SPATA6: variants seen among roughly 807,000 people sequenced by gnomAD.
The protein encoded by SPATA6 is spermatogenesis-associated protein 6.
In SPATA6, 56 loss-of-function variants were observed where a neutral mutation model predicts 65.3. The ratio of observed to expected loss-of-function variants is 0.86; its 90% confidence interval spans 0.69 to 1.07. The LOEUF (loss-of-function observed/expected upper bound fraction) is 1.07. Among genes scored for constraint, SPATA6 ranks in the 50% least tolerant of loss-of-function variants. The probability of loss-of-function intolerance (pLI) is 0.00; values close to 1 mark genes in which losing one functional copy is unlikely to be tolerated. For synonymous variants in SPATA6, 199 were observed against 213.2 expected (o/e 0.93, Z 0.58); for missense variants, 590 against 594.8 (o/e 0.99, Z 0.08).
At chr1:48,288,231 G>A in the SPATA6 span, among the ~76,000 whole-genome samples, 38 of 152,292 alleles carry the variant, frequency 2.5e-4, no homozygotes, top group African/African-American at 8.7e-4. Context: ...CCATATCTAT[G>A]TTAATCAGAG....
chr1:48,299,298 G>A (rs906661699), intron 12 of SPATA6, among the ~76,000 whole-genome samples: 5 of 151,830 alleles, frequency 3.3e-5, no homozygotes, highest in Admixed American at 6.6e-5. Flanking sequence ...CAAATCACCT[G>A]AGGTCGGGAG....
chr1:48,421,322 T>A (rs1050409157), intron 3 of SPATA6, among the ~76,000 whole-genome samples: 1 of 151,978 alleles, frequency 6.6e-6, no homozygotes. Flanking sequence ...ATATGCACAA[T>A]TATTATGTCA....
chr1:48,352,360 T>G (rs1217974357), intron 11 of SPATA6, among the ~76,000 whole-genome samples: 1 of 152,078 alleles, frequency 6.6e-6, no homozygotes, highest in Non-Finnish European at 1.5e-5. Context: ...TATAGTAGTT[T>G]GTATTTTTCC....
intron 11 of SPATA6, among the ~76,000 whole-genome samples, chr1:48,318,841 G>C (rs569583344): frequency 1.2e-4 from 18 of 152,204 alleles, no homozygotes; most frequent in African/African-American, 4.3e-4. Flanking sequence ...AAAGGTGGAA[G>C]ACTAACAATT....
At chr1:48,331,471 T>G (rs1384189918) in intron 11 of SPATA6, among the ~76,000 whole-genome samples, 1 of 149,606 alleles carries the variant, frequency 6.7e-6, no homozygotes. Flanking sequence ...TGAAAGAATC[T>G]AAGGGCTTGA....
intron 11 of SPATA6, among the ~76,000 whole-genome samples, chr1:48,309,271 CT>C (rs1410882672): frequency 6.6e-6 from 1 of 152,002 alleles, no homozygotes; most frequent in African/African-American, 2.4e-5. Context: ...CCCACAAATC[CT>C]TATGTGTTCA....
chr1:48,279,628 C>T, the SPATA6 span, among the ~76,000 whole-genome samples: 30 of 152,258 alleles, frequency 2.0e-4, no homozygotes, highest in South Asian at 2.5e-3. Context: ...ACAAGAAGAG[C>T]TAACTATCCT....
chr1:48,368,984 C>A (rs1212953333), intron 9 of SPATA6, among the ~76,000 whole-genome samples: 9 of 152,030 alleles, frequency 5.9e-5, no homozygotes, highest in African/African-American at 1.9e-4. Context: ...TGTGGATGTC[C>A]TTTCTGTTTG....
chr1:48,454,957 A>G (rs1329481935), intron 1 of SPATA6, among the ~76,000 whole-genome samples: 1 of 152,218 alleles, frequency 6.6e-6, no homozygotes, highest in African/African-American at 2.4e-5. Flanking sequence ...AATACTTCAC[A>G]TCCTTTTGTA....
the SPATA6 span, among the ~76,000 whole-genome samples, chr1:48,280,655 G>C: frequency 6.6e-6 from 1 of 152,102 alleles, no homozygotes; most frequent in Non-Finnish European, 1.5e-5. Flanking sequence ...TCTCTGAATA[G>C]ACCAGTAACA....
Position 48,305,783 on chromosome 1 carries a change from A to C in SPATA6, c.1286+4T>G, listed in dbSNP as rs933412404. ...AGAAGGATATACATATATTTCATTC[A>C]TACCTATACTCGGGGTCACTGTCAT... is the stretch of plus-strand genomic sequence containing the variant. On this transcript the variant is annotated splice_donor_region_variant and intron_variant, in intron 12 of 12. Coordinates refer to ENST00000371847, the MANE Select transcript of SPATA6 (RefSeq NM_019073.4). 8.1e-6 allele frequency: 13 copies of C among 1,601,640 alleles called. No individual in the cohort carries two copies. The highest frequency in any genetic ancestry group is 2.7e-5 in the African/African-American group (2 of 74,486).
At chr1:48,310,110 T>G (rs536278647) in intron 11 of SPATA6, among the ~76,000 whole-genome samples, 1 of 152,292 alleles carries the variant, frequency 6.6e-6, no homozygotes, top group South Asian at 2.1e-4. Context: ...TTTGAAGGTT[T>G]TTCATTGGTC....
chr1:48,469,228 T>A (rs1279439549), intron 1 of SPATA6, among the ~76,000 whole-genome samples: 1 of 152,164 alleles, frequency 6.6e-6, no homozygotes, highest in Admixed American at 6.5e-5. Flanking sequence ...AAATAAAAAA[T>A]TTATACATAA....
chr1:48,263,920 G>A, the SPATA6 span, among the ~76,000 whole-genome samples: 2 of 152,118 alleles, frequency 1.3e-5, no homozygotes, highest in East Asian at 3.9e-4. Flanking sequence ...TTGCACTCCT[G>A]GGCTCAGGTG....
chr1:48,437,220 C>T, intron 3 of SPATA6: 1 of 1,612,572 alleles, frequency 6.2e-7, no homozygotes, highest in Non-Finnish European at 8.5e-7. Flanking sequence ...ACTTGGAATT[C>T]TAGGGCTGCC....
intron 11 of SPATA6, among the ~76,000 whole-genome samples, chr1:48,319,689 A>G (rs888482149): frequency 3.9e-5 from 6 of 152,144 alleles, no homozygotes; most frequent in African/African-American, 1.2e-4. Context: ...TTGTAATCCT[A>G]TTCACTGCAG....
At chr1:48,422,133 A>G (rs527445686) in intron 3 of SPATA6, among the ~76,000 whole-genome samples, 9 of 152,206 alleles carry the variant, frequency 5.9e-5, no homozygotes, top group Non-Finnish European at 1.3e-4. Flanking sequence ...GTGAGAGAAG[A>G]AAATATATTA....
intron 8 of SPATA6, among the ~76,000 whole-genome samples, chr1:48,385,708 G>C (rs537360919): frequency 6.6e-6 from 1 of 152,218 alleles, no homozygotes; most frequent in South Asian, 2.1e-4. Flanking sequence ...GACAGATATT[G>C]TCAAACTATA....
chr1:48,317,478 G>A (rs1645469472), intron 11 of SPATA6, among the ~76,000 whole-genome samples: 1 of 151,674 alleles, frequency 6.6e-6, no homozygotes, highest in African/African-American at 2.4e-5. Flanking sequence ...ACTGAACAAT[G>A]AGAACACATG....
Sources: gnomAD v4.1 joint callset for allele counts (sites outside exome capture counted in the v4.1 genomes callset) on GRCh38, gnomAD v4.1.1 for gene constraint, MANE v1.5 for transcripts, NCBI Gene and HGNC (gene_info 2026-07-23, HGNC 2026-07-21) for gene names.